The following CDKAL1 variants were observed in gnomAD, a reference collection of about 807,000 sequenced individuals.
CDKAL1 encodes CDKAL1 threonylcarbamoyladenosine tRNA methylthiotransferase.
In CDKAL1, 32 loss-of-function variants were observed where a neutral mutation model predicts 68.2. The ratio of observed to expected loss-of-function variants is 0.47; its 90% CI spans 0.35 to 0.63. The LOEUF is 0.63. Among genes scored for constraint, CDKAL1 ranks in the 30% least tolerant of loss-of-function variants. CDKAL1 has a pLI of 0.00. For missense variants in CDKAL1, 606 were observed against 696.7 expected, an observed-to-expected ratio of 0.87 and a Z score of 1.47; for synonymous variants, 234 against 244.3, an observed-to-expected ratio of 0.96 and a Z score of 0.39.
At chr6:20,631,322 G>A (rs1767665325) in intron 4 of CDKAL1, among the ~76,000 whole-genome samples, 6 of 152,086 alleles carry the variant, frequency 3.9e-5, no homozygotes, top group Admixed American at 3.9e-4. Context: ...ATAGCTTGTG[G>A]CACAGTTCTG....
At chr6:21,224,379 T>C (rs899169440) in intron 15 of CDKAL1, among the ~76,000 whole-genome samples, 16 of 152,148 alleles carry the variant, frequency 1.1e-4, no homozygotes, top group Middle Eastern at 3.4e-3. Context: ...ATGCCAAAAT[T>C]AGCCAGGCGT....
chr6:20,708,931 T>A (rs1562042506), intron 5 of CDKAL1, among the ~76,000 whole-genome samples: 1 of 152,192 alleles, frequency 6.6e-6, no homozygotes, highest in South Asian at 2.1e-4. Context: ...ATCATAATAG[T>A]CAAACATTGG....
intron 11 of CDKAL1, among the ~76,000 whole-genome samples, chr6:21,057,975 G>A (rs1770930511): frequency 6.6e-6 from 1 of 152,234 alleles, no homozygotes; most frequent in African/African-American, 2.4e-5. Context: ...GCACCAAGAA[G>A]AATGTATATT....
intron 15 of CDKAL1, 119 bp downstream of exon 15, chr6:21,201,393 C>A: frequency 1.3e-6 from 1 of 768,274 alleles, no homozygotes. Context: ...ATGCATGAGG[C>A]TTTAATCCTT....
chr6:20,748,505 C>T (rs1773758128), intron 6 of CDKAL1, among the ~76,000 whole-genome samples: 2 of 125,546 alleles, frequency 1.6e-5, no homozygotes, highest in African/African-American at 5.9e-5. Flanking sequence ...TGTGATTGTG[C>T]CACTGCACTC....
chr6:21,008,641 T>C (rs9368268), intron 11 of CDKAL1, among the ~76,000 whole-genome samples: 69,718 of 152,086 alleles, frequency 0.46, 17,560 homozygotes, highest in East Asian at 0.86. Flanking sequence ...CGTCTAAAGT[T>C]AGAAATCTTC....
intron 8 of CDKAL1, among the ~76,000 whole-genome samples, chr6:20,836,736 T>C (rs60568948): frequency 0.12 from 18,873 of 152,106 alleles, 1,416 homozygotes; most frequent in East Asian, 0.33. Context: ...GTTTTTATCA[T>C]TCCCTTCTCC....
chr6:21,188,114 C>G (rs1038537055), intron 13 of CDKAL1, among the ~76,000 whole-genome samples: 1 of 152,096 alleles, frequency 6.6e-6, no homozygotes, highest in African/African-American at 2.4e-5. Context: ...TTTGTAAAGG[C>G]TCTTCATATT....
intron 9 of CDKAL1, among the ~76,000 whole-genome samples, chr6:20,943,569 T>G (rs1252461899): frequency 6.6e-6 from 1 of 152,126 alleles, no homozygotes; most frequent in Non-Finnish European, 1.5e-5. Context: ...TTTCTCTTCG[T>G]TTCATTTTGG....
chr6:20,681,370 T>C (rs997434495), intron 5 of CDKAL1, among the ~76,000 whole-genome samples: 1 of 152,266 alleles, frequency 6.6e-6, no homozygotes, highest in African/African-American at 2.4e-5. Flanking sequence ...GTGCCCAGGC[T>C]AGTTTCAACC....
chr6:20,958,261 C>T (rs192553587), intron 10 of CDKAL1, among the ~76,000 whole-genome samples: 1 of 152,330 alleles, frequency 6.6e-6, no homozygotes, highest in Admixed American at 6.5e-5. Flanking sequence ...TCTACACCAT[C>T]TCAAAGTAAG....
chr6:20,887,123 G>A (rs1373760180), intron 9 of CDKAL1, among the ~76,000 whole-genome samples: 1 of 152,170 alleles, frequency 6.6e-6, no homozygotes, highest in East Asian at 1.9e-4. Context: ...ATTACAATAA[G>A]ATACTCCTAT....
intron 9 of CDKAL1, among the ~76,000 whole-genome samples, chr6:20,892,983 A>T (rs1761488619): frequency 6.6e-6 from 1 of 152,194 alleles, no homozygotes; most frequent in Admixed American, 6.5e-5. Context: ...ACCTGAGTTG[A>T]ATTTGAGGGA....
intron 13 of CDKAL1, among the ~76,000 whole-genome samples, chr6:21,174,475 ACT>A (rs1317121195): frequency 6.6e-6 from 1 of 152,194 alleles, no homozygotes; most frequent in East Asian, 1.9e-4. Flanking sequence ...AGTTATTATA[ACT>A]CAACAGAAAA....
rs578242621 is a variant in CDKAL1 at position 20,882,562 on chromosome 6, T to C, written c.742+36384T>C. Among the ~76,000 whole-genome samples, 229 of 152,320 alleles carry C rather than the reference T, an allele frequency of 1.5e-3. 1 individual carries two copies. The highest frequency in any genetic ancestry group is 4.4e-3 in the Admixed American group (68 of 15,304). ...TTTTTTTCTTCCCCTACAAGCTCTT[T>C]TAGTCTGGCTTCTTTCATTTAGCAA... On this transcript the variant is annotated intron_variant, in intron 9 of 15. Transcript: ENST00000274695.
At chr6:21,133,762 G>A (rs760851403) in intron 13 of CDKAL1, among the ~76,000 whole-genome samples, 3 of 151,914 alleles carry the variant, frequency 2.0e-5, no homozygotes, top group Non-Finnish European at 4.4e-5. Flanking sequence ...ATTAATATGC[G>A]ACCCATTAAT....
At chr6:21,059,367 G>C (rs1269252678) in intron 11 of CDKAL1, among the ~76,000 whole-genome samples, 5 of 152,224 alleles carry the variant, frequency 3.3e-5, no homozygotes, top group South Asian at 2.1e-4. Context: ...GCTGCTGCTG[G>C]CTGCAACCTG....
At chr6:21,124,585 A>ATTG (rs935242207) in intron 13 of CDKAL1, among the ~76,000 whole-genome samples, 2 of 150,974 alleles carry the variant, frequency 1.3e-5, no homozygotes, top group Non-Finnish European at 3.0e-5. Flanking sequence ...ACTACTTTTG[A>ATTG]TTGTTCTCAT....
chr6:20,583,427 G>C (rs1765216429), intron 4 of CDKAL1, among the ~76,000 whole-genome samples: 1 of 152,134 alleles, frequency 6.6e-6, no homozygotes, highest in Non-Finnish European at 1.5e-5. Flanking sequence ...ACATATTGAT[G>C]TATTTCTGGA....
Sources: allele counts gnomAD v4.1 joint callset (sites outside exome capture counted in the v4.1 genomes callset), GRCh38; gene constraint gnomAD v4.1.1; transcripts MANE v1.5; gene names NCBI Gene and HGNC (gene_info 2026-07-23, HGNC 2026-07-21).